Variants in HADH observed in about 807,000 individuals in gnomAD.
HADH encodes the protein hydroxyacyl-coenzyme A dehydrogenase, mitochondrial.
In HADH, 24 loss-of-function variants were observed where a neutral mutation model predicts 32.2. That is an observed-to-expected ratio of 0.75 (90% CI 0.54 to 1.05). The LOEUF (loss-of-function observed/expected upper bound fraction) is 1.05. HADH is among the 50% of genes least tolerant of loss of function. HADH has a pLI of 0.00. For synonymous variants in HADH, 139 were observed against 152.5 expected, an observed-to-expected ratio of 0.91 and a Z score of 0.65; for missense variants, 350 against 397.1, an observed-to-expected ratio of 0.88 and a Z score of 1.01.
intron 4 of HADH, 73 bp from the exon 5 acceptor site, chr4:108,023,401 A>G (rs1292429146): frequency 3.4e-6 from 3 of 878,866 alleles, no homozygotes; most frequent in Admixed American, 3.4e-5. Context: ...CTTTTGATCA[A>G]TCATTCCTTG....
At chr4:108,007,791 G>A (rs953159202) in intron 1 of HADH, among the ~76,000 whole-genome samples, 2 of 152,160 alleles carry the variant, frequency 1.3e-5, no homozygotes, top group African/African-American at 4.8e-5. Flanking sequence ...ATATGTACCA[G>A]GCATCAGGTT....
At chr4:107,998,520 T>C (rs1735020692) in intron 1 of HADH, among the ~76,000 whole-genome samples, 1 of 152,100 alleles carries the variant, frequency 6.6e-6, no homozygotes, top group African/African-American at 2.4e-5. Context: ...CCTCATGATC[T>C]GCCCGCCTTA....
chr4:108,006,416 C>T (rs1360065491), intron 1 of HADH, among the ~76,000 whole-genome samples: 1 of 152,120 alleles, frequency 6.6e-6, no homozygotes, highest in Non-Finnish European at 1.5e-5. Context: ...TGACTAGGCA[C>T]CACCCCAGAC....
chr4:107,999,792 T>C (rs1460119189), intron 1 of HADH, among the ~76,000 whole-genome samples: 1 of 152,170 alleles, frequency 6.6e-6, no homozygotes, highest in Non-Finnish European at 1.5e-5. Flanking sequence ...CAACTAATTG[T>C]AATGAAGGCA....
chr4:108,023,485 A>G lies in HADH; in HGVS notation c.558A>G (p.Thr186=), dbSNP rs776194299. 6.2e-7 allele frequency: 1 copy of G among 1,605,624 alleles called. No homozygotes were observed. The highest frequency in any genetic ancestry group is 8.5e-7 in the Non-Finnish European group (1 of 1,172,176). The part of the protein sequence containing the change: ...PVMKLVEVIK[T]PMTSQKTFES... The stretch of plus-strand genomic sequence containing the variant: ...CTTTGCATTTCCAGGTCATTAAAAC[A>G]CCAATGACCAGCCAGAAGACATTTG... Residue 186 remains threonine (T), a synonymous_variant, in exon 5 of 8, where the codon ACA becomes ACG. Transcript: ENST00000309522.
intron 1 of HADH, among the ~76,000 whole-genome samples, chr4:107,990,685 CCGTCTGTGCAGAGTT>C (rs1485711369): frequency 5.3e-5 from 8 of 151,362 alleles, no homozygotes; most frequent in Admixed American, 5.3e-4. Flanking sequence ...TGAAATAGTG[CCGTCTGTGCAGAGTT>C]CTGAGCTTGC....
Position 108,019,613 on chromosome 4 carries a change from C to G in HADH, c.493C>G (p.Arg165Gly), listed in dbSNP as rs1239277010. The change falls in exon 4 of 8, where the codon CGA (arginine) becomes GGA (glycine). Residue 165 changes from arginine (R) to glycine (G), a missense_variant. Arg to Gly is a moderately radical substitution (Grantham distance 125). Coordinates refer to ENST00000309522, the MANE Select transcript of HADH (RefSeq NM_005327.7). The stretch of plus-strand genomic sequence containing the variant: ...AGCTAATGCCACCACCAGACAAGAC[C>G]GATTCGCTGGCCTCCATTTCTTCAA... Reference protein sequence around the residue: ...SIANATTRQDRFAGLHFFNPV... With the variant: ...SIANATTRQDGFAGLHFFNPV... 1 of 1,613,964 alleles carries G rather than the reference C, an allele frequency of 6.2e-7. No homozygotes were observed. Among genetic ancestry groups the G allele is most frequent in the Non-Finnish European group, 8.5e-7 (1 of 1,179,928 alleles).
chr4:108,016,724 C>CT (rs1172391766), intron 3 of HADH, among the ~76,000 whole-genome samples: 1 of 152,206 alleles, frequency 6.6e-6, no homozygotes, highest in East Asian at 1.9e-4. Context: ...CCCTCACCAC[C>CT]TCCAGCCTTG....
chr4:108,010,889 G>A (rs1427671828), intron 2 of HADH, among the ~76,000 whole-genome samples: 6 of 133,850 alleles, frequency 4.5e-5, no homozygotes, highest in Admixed American at 8.4e-5. Flanking sequence ...GTCTCACTCT[G>A]TCACCAGGCT....
chr4:108,026,326 A>C (rs954011266), intron 5 of HADH: 1 of 152,220 alleles, frequency 6.6e-6, no homozygotes, highest in African/African-American at 2.4e-5. Flanking sequence ...GGTGTGAGCC[A>C]CTGCGACTGG....
intron 5 of HADH, 50 bp from the exon 6 acceptor site, chr4:108,027,638 C>T (rs1010721030): frequency 3.6e-6 from 4 of 1,106,806 alleles, no homozygotes; most frequent in Non-Finnish European, 5.6e-6. Context: ...ACAAAAGATA[C>T]CATTTAATGA....
intron 5 of HADH, chr4:108,024,915 C>T (rs1303874166): frequency 6.6e-6 from 1 of 152,206 alleles, no homozygotes; most frequent in African/African-American, 2.4e-5. Context: ...CTTGTTAGGT[C>T]ATTCCAGAAC....
rs1409845879 is a variant in HADH at position 108,023,524 on chromosome 4, C to T, written c.597C>T (p.Asp199=). Residue 199 remains aspartate (D), a synonymous_variant, in exon 5 of 8, where the codon GAC becomes GAT. Transcript: ENST00000309522. The stretch of plus-strand genomic sequence containing the variant: ...AGAAGACATTTGAATCTTTGGTAGA[C>T]TTTAGCAAAGCCCTAGGAAAGCATC... ...TSQKTFESLV[D]FSKALGKHPV... is the part of the protein sequence containing the mutation. 1 of 1,611,356 alleles carries T rather than the reference C, an allele frequency of 6.2e-7. No individual in the cohort carries two copies. Among genetic ancestry groups the T allele is most frequent in the Non-Finnish European group, 8.5e-7 (1 of 1,177,596 alleles).
intron 5 of HADH, chr4:108,027,405 CA>C (rs1355400281): frequency 1.6e-5 from 8 of 501,492 alleles, no homozygotes; most frequent in Non-Finnish European, 2.9e-5. Flanking sequence ...CTGTCTCTCC[CA>C]AAGCCATGCT....
At chr4:108,022,167 A>G (rs7657741) in intron 4 of HADH, among the ~76,000 whole-genome samples, 16,234 of 124,366 alleles carry the variant, frequency 0.13, 1,097 homozygotes, top group African/African-American at 0.2. Context: ...ACATATATAT[A>G]TGTGTGTGTG....
chr4:107,999,940 C>T, intron 1 of HADH, among the ~76,000 whole-genome samples: 1 of 151,972 alleles, frequency 6.6e-6, no homozygotes, highest in East Asian at 1.9e-4. Context: ...ATATCTTATG[C>T]TAAGGAAAAA....
chr4:108,004,715 T>G, intron 1 of HADH: 1 of 1,531,216 alleles, frequency 6.5e-7, no homozygotes, highest in Non-Finnish European at 8.7e-7. Context: ...AAGAAAGGAA[T>G]GAAGAGAGAA....
At chr4:107,999,716 A>G (rs913876953) in intron 1 of HADH, among the ~76,000 whole-genome samples, 1 of 152,204 alleles carries the variant, frequency 6.6e-6, no homozygotes, top group African/African-American at 2.4e-5. Flanking sequence ...CAGGCCAGGT[A>G]AAAAGTAAGA....
intron 6 of HADH, chr4:108,032,680 T>C (rs1447014487): frequency 1.5e-5 from 5 of 344,100 alleles, no homozygotes; most frequent in East Asian, 5.4e-5. Flanking sequence ...ACCTCAGTGG[T>C]GCGTAGCTTT....
Sources: allele counts gnomAD v4.1 joint callset (sites outside exome capture counted in the v4.1 genomes callset), GRCh38; gene constraint gnomAD v4.1.1; transcripts MANE v1.5; gene names NCBI Gene and HGNC (gene_info 2026-07-23, HGNC 2026-07-21).